MARCHF2: variants seen among roughly 807,000 people sequenced by gnomAD.
The protein encoded by MARCHF2 is membrane associated ring-CH-type finger 2, also known as E3 ubiquitin-protein ligase MARCHF2.
Under a neutral mutation model 24.0 loss-of-function variants are expected in MARCHF2, and 22 were observed. That is an observed-to-expected ratio of 0.92 (90% CI 0.66 to 1.31). MARCHF2 has a LOEUF of 1.31. MARCHF2 is among the 50% of genes most tolerant of loss of function. MARCHF2 has a pLI of 0.00. For missense variants in MARCHF2, 301 were observed against 335.3 expected (o/e 0.90, Z 0.80); for synonymous variants, 154 against 153.0 (o/e 1.01, Z -0.05).
chr19:8,425,493 G>A (rs775733999), intron 2 of MARCHF2, among the ~76,000 whole-genome samples: 2 of 151,780 alleles, frequency 1.3e-5, no homozygotes, highest in Admixed American at 6.6e-5. Flanking sequence ...TGATCCTCCC[G>A]CTTCAGCCTT....
In MARCHF2 at chr19:8,430,897, C is replaced by A; in HGVS notation, c.582+30C>A. 6.5e-7 allele frequency: 1 copy of A among 1,540,622 alleles called. No individual in the cohort carries two copies. On this transcript the variant is annotated intron_variant, in intron 4 of 4. Coordinates refer to ENST00000215555, the MANE Select transcript of MARCHF2 (RefSeq NM_001005415.2). This position sits in a 1 kb window ranked among gnomAD's most constrained non-coding sequence, Gnocchi z 4.4. ...GTGGCTGTGGTTGTGCAGCACGCGT[C>A]TCGAGCTCTGCCGCTGGGAGCAGCA...
chr19:8,430,467 C>G lies in MARCHF2; in HGVS notation c.373-191C>G, dbSNP rs1337439203. Among the ~76,000 whole-genome samples the G allele has an allele frequency of 1.4e-5, 2 of 148,056 alleles. No individual in the cohort carries two copies. The highest frequency in any genetic ancestry group is 6.8e-5 in the Admixed American group (1 of 14,810). On this transcript the variant is annotated intron_variant, in intron 3 of 4. Transcript: ENST00000215555. The surrounding 1 kb of genome is among the most constrained non-coding windows in gnomAD (Gnocchi z 4.4). Reference sequence around the variant, plus strand: ...GGAGAATTGCTTAAACCCAGAAGGTCGAGGTTGCAGTGAGCCGAGATCACA... The same window carrying G: ...GGAGAATTGCTTAAACCCAGAAGGTGGAGGTTGCAGTGAGCCGAGATCACA...
In MARCHF2 at chr19:8,422,090, T is replaced by C. The variant is rs1363906326; in HGVS notation, c.176+74T>C. On this transcript the variant is annotated intron_variant, in intron 2 of 4. Transcript: ENST00000215555. ...TGGGCGCAGTGAGTTTCTCCCAGCCTGGGGTTAGAAGTCCAACCGTTGACA... is the reference window on the plus strand; with the variant it reads ...TGGGCGCAGTGAGTTTCTCCCAGCCCGGGGTTAGAAGTCCAACCGTTGACA... The C allele has an allele frequency of 1.8e-5, 27 of 1,498,852 alleles. No homozygotes were observed. In the East Asian group the frequency reaches 6.5e-4, roughly 36 times the overall value. The allele number at this position is 1,498,852 out of a possible 1,614,324, so 92.8% of individuals were successfully genotyped here.
At chr19:8,425,241 G>T (rs1370115746) in intron 2 of MARCHF2, among the ~76,000 whole-genome samples, 1 of 151,810 alleles carries the variant, frequency 6.6e-6, no homozygotes, top group Non-Finnish European at 1.5e-5. Flanking sequence ...AATTAGCTGG[G>T]CATGGTGGCA....
intron 3 of MARCHF2, 64 bp downstream of exon 3, chr19:8,426,868 C>T: frequency 2.7e-6 from 4 of 1,479,688 alleles, no homozygotes; most frequent in Non-Finnish European, 2.8e-6. Flanking sequence ...GGGCCAAAGG[C>T]AGGAGCTGCC....
chr19:8,428,367 T>C (rs1296668276), intron 3 of MARCHF2, among the ~76,000 whole-genome samples: 6 of 146,282 alleles, frequency 4.1e-5, no homozygotes, highest in African/African-American at 1.5e-4. Context: ...GGCAGGAGAA[T>C]TGCTTGAACC....
chr19:8,436,542 C>A (rs1165210056), intron 4 of MARCHF2, among the ~76,000 whole-genome samples: 2 of 152,072 alleles, frequency 1.3e-5, no homozygotes, highest in Non-Finnish European at 2.9e-5. Context: ...CACTGCTGAT[C>A]TTTTTACTGT....
rs146925848 is a variant in MARCHF2, at chr19:8,421,915, C to T, written c.75C>T (p.Val25=). Residue 25 remains valine (V), a synonymous_variant, in exon 2 of 5, where the codon GTC becomes GTT. Coordinates refer to ENST00000215555, the MANE Select transcript of MARCHF2 (RefSeq NM_001005415.2). Reference sequence around the variant, plus strand: ...CCGGCAGCCCTGCCTTCTCCAAGGTCGTGGAGGCTACGGGCCTCGGACCGC... The same window carrying T: ...CCGGCAGCCCTGCCTTCTCCAAGGTTGTGGAGGCTACGGGCCTCGGACCGC... ...DCSGSPAFSK[V]VEATGLGPPQ... 17 of 1,613,912 alleles carry T rather than the reference C, an allele frequency of 1.1e-5. No individual in the cohort carries two copies. The highest frequency in any genetic ancestry group is 6.7e-5 in the African/African-American group (5 of 75,060).
chr19:8,435,323 T>A (rs1001845661), intron 4 of MARCHF2, among the ~76,000 whole-genome samples: 4 of 151,798 alleles, frequency 2.6e-5, no homozygotes, highest in Admixed American at 6.6e-5. Context: ...AGGCCATTTT[T>A]AAATTTTTTT....
intron 4 of MARCHF2, among the ~76,000 whole-genome samples, chr19:8,437,131 C>T (rs1016949005): frequency 3.9e-5 from 6 of 152,004 alleles, no homozygotes; most frequent in Non-Finnish European, 7.4e-5. Context: ...AGGCCTGGGC[C>T]ACCACACCTG....
Position 8,438,388 on chromosome 19 carries a change from G to A in MARCHF2, c.583G>A (p.Val195Ile). ...CGCTCACTGCAGGGCTGCCCCACAG[G>A]TCTCCTTCCGCTACCACTGCCAGCT... ...LFTIYVLWTL[V>I]SFRYHCQLYS... is the part of the protein sequence containing the mutation. Residue 195 changes from valine to isoleucine, a missense_variant and splice_region_variant, in exon 5 of 5, where the codon GTC becomes ATC. Coordinates refer to ENST00000215555, the MANE Select transcript of MARCHF2 (RefSeq NM_001005415.2). 6.2e-7 allele frequency: 1 copy of A among 1,613,326 alleles called. No individual in the cohort carries two copies. Among genetic ancestry groups the A allele is most frequent in the Non-Finnish European group, 8.5e-7 (1 of 1,180,036 alleles).
At chr19:8,416,617 T>C (rs1967093693) in intron 1 of MARCHF2, among the ~76,000 whole-genome samples, 1 of 152,164 alleles carries the variant, frequency 6.6e-6, no homozygotes, top group Non-Finnish European at 1.5e-5. Context: ...TGGCCCAGGC[T>C]GGAGTGCAGT....
rs1009791157 is a variant in MARCHF2 at position 8,423,151 on chromosome 19, C to T, written c.176+1135C>T. On this transcript the variant is annotated intron_variant, in intron 2 of 4. Transcript: ENST00000215555. The stretch of plus-strand genomic sequence containing the variant: ...CTCAGCTCACTGCAACCTCTGCCTC[C>T]TGGGTTCAAGCGATTCTCCTGCCTC... Among the ~76,000 whole-genome samples, 4 of 150,826 alleles carry T rather than the reference C, an allele frequency of 2.7e-5. No homozygotes were observed. In the South Asian group the frequency reaches 8.4e-4, roughly 32 times the overall value.
intron 2 of MARCHF2, among the ~76,000 whole-genome samples, chr19:8,424,869 A>G (rs1338499218): frequency 6.6e-6 from 1 of 152,064 alleles, no homozygotes; most frequent in African/African-American, 2.4e-5. Context: ...GTATCATACA[A>G]GCCTGAGTTG....
At chr19:8,435,202 TAG>T (rs945222613) in intron 4 of MARCHF2, among the ~76,000 whole-genome samples, 2 of 151,822 alleles carry the variant, frequency 1.3e-5, no homozygotes, top group African/African-American at 4.8e-5. Context: ...TTATTTTTAG[TAG>T]AGACAGGGTT....
chr19:8,435,978 C>T (rs1967709720), intron 4 of MARCHF2, among the ~76,000 whole-genome samples: 1 of 152,024 alleles, frequency 6.6e-6, no homozygotes, highest in Admixed American at 6.6e-5. Flanking sequence ...CCCACCTCAG[C>T]TTCCTGAGTA....
intron 3 of MARCHF2, among the ~76,000 whole-genome samples, chr19:8,429,803 CTTTTTT>C (rs371323385): frequency 1.3e-5 from 1 of 79,674 alleles, no homozygotes; most frequent in African/African-American, 4.2e-5. Context: ...CACACCAGGG[CTTTTTT>C]TTTTTTTTTT....
chr19:8,420,184 T>TAAAA (rs1200336584), intron 1 of MARCHF2, among the ~76,000 whole-genome samples: 5 of 139,556 alleles, frequency 3.6e-5, no homozygotes, highest in Non-Finnish European at 7.7e-5. Context: ...AATAAATAAA[T>TAAAA]AAATAAATAA....
intron 4 of MARCHF2, among the ~76,000 whole-genome samples, chr19:8,435,827 C>CGT (rs1568242256): frequency 1.1e-5 from 1 of 93,282 alleles, no homozygotes; most frequent in African/African-American, 3.7e-5. Flanking sequence ...CTGCACCTGG[C>CGT]CTGTGTGTGT....
Sources: gnomAD v4.1 joint callset for allele counts (sites outside exome capture counted in the v4.1 genomes callset) on GRCh38, gnomAD v4.1.1 for gene constraint, Gnocchi (gnomAD v3.1) non-coding constraint, MANE v1.5 for transcripts, NCBI Gene and HGNC (gene_info 2026-07-23, HGNC 2026-07-21) for gene names.